SLCO2B1: variants seen among roughly 807,000 people sequenced by gnomAD.
SLCO2B1 encodes OATP-RP2.
SLCO2B1 carries 41 observed loss-of-function variants against 67.3 expected under a neutral mutation model. The ratio of observed to expected loss-of-function variants is 0.61; its 90% CI spans 0.47 to 0.79. The LOEUF (loss-of-function observed/expected upper bound fraction) is 0.79. SLCO2B1 is among the 30% of genes least tolerant of loss of function. The pLI, the probability that SLCO2B1 is intolerant of heterozygous loss-of-function variation, is 0.00. For synonymous variants in SLCO2B1, 379 were observed against 381.4 expected (o/e 0.99, Z 0.07); for missense variants, 837 against 920.1 (o/e 0.91, Z 1.17).
rs1945244315 is a variant in SLCO2B1, at chr11:75,204,641, T to C, written c.*61T>C. On this transcript the variant is annotated 3_prime_UTR_variant, in exon 14 of 14. Coordinates refer to ENST00000289575, the MANE Select transcript of SLCO2B1 (RefSeq NM_007256.5). ...CCACAGCAGTACCTCCTCTGAGTCC[T>C]TTGCCCAAGATTGGGTGTCAAGAGC... 6.8e-7 allele frequency: 1 copy of C among 1,467,548 alleles called. No individual in the cohort carries two copies. The highest frequency in any genetic ancestry group is 2.3e-5 in the Admixed American group (1 of 44,304). The allele number at this position is 1,467,548 out of a possible 1,614,324, so 90.9% of individuals were successfully genotyped here. A position where few individuals can be genotyped will look rare whatever the true frequency, so the allele number is the denominator to read the frequency against.
At chr11:75,180,063 G>A (rs552055067) in intron 7 of SLCO2B1, among the ~76,000 whole-genome samples, 8 of 152,192 alleles carry the variant, frequency 5.3e-5, no homozygotes, top group Admixed American at 2.0e-4. Flanking sequence ...TGTCACCCAG[G>A]CTGGAGTGCA....
At chr11:75,181,197 T>C (rs1318572275) in intron 7 of SLCO2B1, among the ~76,000 whole-genome samples, 2 of 151,880 alleles carry the variant, frequency 1.3e-5, no homozygotes, top group African/African-American at 2.4e-5. Flanking sequence ...GGAGAAACCC[T>C]GTCTCTACTA....
At chr11:75,159,665 T>G (rs1949791052) in intron 1 of SLCO2B1, 1 of 169,466 alleles carries the variant, frequency 5.9e-6, no homozygotes, top group Non-Finnish European at 1.2e-5. Context: ...CAAGCCCCAT[T>G]CAGTGACCAG....
chr11:75,169,647 C>A lies in SLCO2B1; in HGVS notation c.683-19C>A. The stretch of plus-strand genomic sequence containing the variant: ...GGAAGCCAGGGCCAGAGGATCCTAA[C>A]TCAGGCTTTGTGTTGTAGGGATCCT... On this transcript the variant is annotated intron_variant, in intron 5 of 13. Coordinates refer to ENST00000289575, the MANE Select transcript of SLCO2B1 (RefSeq NM_007256.5). The A allele has an allele frequency of 6.3e-7, 1 of 1,597,654 alleles. No homozygotes were observed. Among genetic ancestry groups the A allele is most frequent in the South Asian group, 1.1e-5 (1 of 89,514 alleles).
At chr11:75,151,481 C>T in intron 1 of SLCO2B1, 84 bp downstream of exon 1, 1 of 1,464,024 alleles carries the variant, frequency 6.8e-7, no homozygotes. Context: ...GCCGTAGAGC[C>T]AGAGTGGGTG....
chr11:75,194,661 CG>C (rs1029839623), intron 9 of SLCO2B1, among the ~76,000 whole-genome samples: 6 of 152,128 alleles, frequency 3.9e-5, no homozygotes, highest in African/African-American at 1.4e-4. Context: ...GGCACTGCAG[CG>C]GGGGTTTAGC....
At position 75,193,227 on chromosome 11, in the gene SLCO2B1, G is replaced by A. The variant is rs750224640; in HGVS notation, c.1085G>A (p.Arg362Lys). ...GCACTCGCCCCCACAGTCTTCCCCA[G>A]GGTGCTGCTGCAGACCCTACGCCAC... ...TVIQFIKVFPRVLLQTLRHPI... is the reference protein window; with the variant it reads ...TVIQFIKVFPKVLLQTLRHPI... Residue 362 changes from arginine (R) to lysine (K), a missense_variant, in exon 9 of 14, where the codon AGG becomes AAG. By Grantham distance (26) the Arg-to-Lys change is conservative (BLOSUM62 2). Transcript: ENST00000289575. This position sits in a 1 kb window ranked among gnomAD's most constrained non-coding sequence, Gnocchi z 4.2. 89 of 1,609,896 alleles carry A rather than the reference G, an allele frequency of 5.5e-5. No individual in the cohort carries two copies. The highest frequency in any genetic ancestry group is 7.4e-5 in the Non-Finnish European group (87 of 1,178,332).
chr11:75,192,914 C>T (rs569644279), intron 8 of SLCO2B1, among the ~76,000 whole-genome samples: 54 of 152,170 alleles, frequency 3.5e-4, no homozygotes, highest in African/African-American at 1.3e-3. Flanking sequence ...CATGGTGGTG[C>T]ACACCTGTAG....
At chr11:75,190,110 C>T (rs898812236) in intron 8 of SLCO2B1, among the ~76,000 whole-genome samples, 13 of 152,222 alleles carry the variant, frequency 8.5e-5, no homozygotes, top group African/African-American at 3.1e-4. Context: ...CTCAGGCCAC[C>T]CCCAGATGCT....
chr11:75,153,389 A>T (rs1346779260), intron 1 of SLCO2B1, among the ~76,000 whole-genome samples: 1 of 152,208 alleles, frequency 6.6e-6, no homozygotes, highest in Admixed American at 6.5e-5. Flanking sequence ...TTCAAATTCC[A>T]GCACTGCATC....
intron 9 of SLCO2B1, among the ~76,000 whole-genome samples, chr11:75,195,660 AC>A (rs904058434): frequency 5.3e-5 from 8 of 151,222 alleles, no homozygotes; most frequent in African/African-American, 9.7e-5. Flanking sequence ...CCCCACACCC[AC>A]CCCAAGCCCA....
intron 10 of SLCO2B1, among the ~76,000 whole-genome samples, chr11:75,197,190 C>A (rs897922592): frequency 1.3e-5 from 2 of 152,236 alleles, no homozygotes; most frequent in African/African-American, 4.8e-5. Context: ...GCTTCCAGAT[C>A]TCTGTGCAGG....
chr11:75,185,728 A>G (rs889618338), intron 7 of SLCO2B1, among the ~76,000 whole-genome samples: 2 of 152,082 alleles, frequency 1.3e-5, no homozygotes, highest in African/African-American at 4.8e-5. Context: ...TGGCTACTCC[A>G]TAGGCAGAGC....
chr11:75,151,698 G>A (rs916610816), intron 1 of SLCO2B1: 30 of 486,714 alleles, frequency 6.2e-5, no homozygotes, highest in Middle Eastern at 5.2e-4. Flanking sequence ...TCTTCAAGCC[G>A]TTTCCCCTCT....
intron 7 of SLCO2B1, among the ~76,000 whole-genome samples, chr11:75,179,308 T>C (rs1329679274): frequency 7.2e-6 from 1 of 138,720 alleles, no homozygotes; most frequent in Non-Finnish European, 1.5e-5. Context: ...CTTGGCTCAC[T>C]GCAACCTCCG....
chr11:75,168,460 G>A (rs11236364), intron 4 of SLCO2B1, among the ~76,000 whole-genome samples: 7,325 of 152,244 alleles, frequency 0.048, 596 homozygotes, highest in African/African-American at 0.17. Context: ...AATAGTGTGA[G>A]GGTCTCCTCA....
At chr11:75,170,589 C>T (rs552760524) in intron 6 of SLCO2B1, among the ~76,000 whole-genome samples, 1 of 152,166 alleles carries the variant, frequency 6.6e-6, no homozygotes, top group South Asian at 2.1e-4. Context: ...GTCCTGGGAG[C>T]CTCAGGTGAC....
chr11:75,173,255 TG>T (rs1429651513), intron 7 of SLCO2B1, among the ~76,000 whole-genome samples: 1 of 152,226 alleles, frequency 6.6e-6, no homozygotes, highest in Admixed American at 6.5e-5. Context: ...TAGGATCATC[TG>T]GGAAGACTTC....
At chr11:75,182,219 G>T (rs1950099648) in intron 7 of SLCO2B1, among the ~76,000 whole-genome samples, 1 of 152,100 alleles carries the variant, frequency 6.6e-6, no homozygotes, top group South Asian at 2.1e-4. Flanking sequence ...GCCCCTGAAG[G>T]TCTGTCACTC....
Sources: gnomAD v4.1 joint callset for allele counts (sites outside exome capture counted in the v4.1 genomes callset) on GRCh38, gnomAD v4.1.1 for gene constraint, Gnocchi (gnomAD v3.1) non-coding constraint, MANE v1.5 for transcripts, NCBI Gene and HGNC (gene_info 2026-07-23, HGNC 2026-07-21) for gene names.